WDR4: variants seen among roughly 807,000 people sequenced by gnomAD.
The protein encoded by WDR4 is tRNA (guanine-N(7)-)-methyltransferase non-catalytic subunit WDR4.
In WDR4, 47 loss-of-function variants were observed where a neutral mutation model predicts 48.6. That is an observed-to-expected ratio of 0.97 (90% CI 0.77 to 1.23). The LOEUF (loss-of-function observed/expected upper bound fraction) is 1.23, where lower values mean the gene tolerates loss of function less well. WDR4 is among the 50% of genes most tolerant of loss of function. WDR4 has a pLI of 0.00. For synonymous variants in WDR4, 268 were observed against 230.0 expected, an observed-to-expected ratio of 1.17 and a Z score of -1.49; for missense variants, 606 against 551.6, an observed-to-expected ratio of 1.10 and a Z score of -0.99.
chr21:42,857,856 G>A (rs1362591594), intron 6 of WDR4, among the ~76,000 whole-genome samples: 1 of 152,082 alleles, frequency 6.6e-6, no homozygotes, highest in South Asian at 2.1e-4. Flanking sequence ...CCCAGTGGGC[G>A]GAAGTGGGTG....
rs1490652766 is a variant in WDR4 at position 42,862,180 on chromosome 21, G to A, written c.566+102C>T. 2.6e-5 allele frequency: 28 copies of A among 1,063,682 alleles called. No individual in the cohort carries two copies. The highest frequency in any genetic ancestry group is 5.2e-5 in the East Asian group (2 of 38,464). 65.9% of individuals were successfully genotyped at this position (1,063,682 alleles called of 1,614,324 possible). On this transcript the variant is annotated intron_variant, in intron 5 of 10. Coordinates refer to ENST00000398208, the MANE Select transcript of WDR4 (RefSeq NM_018669.6). The surrounding 1 kb of genome is among the most constrained non-coding windows in gnomAD (Gnocchi z 4.3). ...CCAAGCACGGGGGCTGCTGTCACCC[G>A]CGTGGGGCCTCGCCAGCTACAACGG...
intron 2 of WDR4, among the ~76,000 whole-genome samples, chr21:42,874,934 T>A (rs560878606): frequency 1.3e-5 from 2 of 152,180 alleles, no homozygotes; most frequent in South Asian, 2.1e-4. Flanking sequence ...GTACACTCCC[T>A]CCCCTTCTGA....
chr21:42,862,280 ACTCT>A lies in WDR4; in HGVS notation c.564_566+1del. 1.2e-6 allele frequency: 2 copies of A among 1,603,320 alleles called. No homozygotes were observed. The highest frequency in any genetic ancestry group is 2.2e-5 in the South Asian group (2 of 89,454). Reference sequence around the variant, plus strand: ...GCTGGAGGGGCAGGAAGGGGCACTCACTCTGTGTGCCCCAAGCAGAAGGACTCGA... The same window carrying A: ...GCTGGAGGGGCAGGAAGGGGCACTCAGTGTGCCCCAAGCAGAAGGACTCGA... On this transcript the variant is annotated splice_donor_variant and coding_sequence_variant, in exon 5 of 11. Coordinates refer to ENST00000398208, the MANE Select transcript of WDR4 (RefSeq NM_018669.6). LOFTEE classifies it high-confidence loss of function. The surrounding 1 kb of genome is among the most constrained non-coding windows in gnomAD (Gnocchi z 4.3).
At chr21:42,871,144 A>G (rs2058361679) in intron 3 of WDR4, among the ~76,000 whole-genome samples, 1 of 152,184 alleles carries the variant, frequency 6.6e-6, no homozygotes, top group Admixed American at 6.6e-5. Flanking sequence ...ACATAGGGAG[A>G]AGACGCCATC....
Position 42,871,740 on chromosome 21 carries a change from C to T in WDR4, c.296+1811G>A, listed in dbSNP as rs555125986. On this transcript the variant is annotated intron_variant, in intron 3 of 10. Coordinates refer to ENST00000398208, the MANE Select transcript of WDR4 (RefSeq NM_018669.6). ...GAAGGTGGGTAAGAAGGGAGACTGA[C>T]GCATACTCTTTGGTTTAATTTTGTT... 7.2e-4 allele frequency among the ~76,000 whole-genome samples: 109 copies of T among 152,180 alleles called. 1 individual carries two copies. Among genetic ancestry groups the T allele is most frequent in the Non-Finnish European group, 1.4e-3 (95 of 68,036 alleles).
At chr21:42,847,353 G>A (rs568465775), downstream of WDR4, among the ~76,000 whole-genome samples, 4 of 152,322 alleles carry the variant, frequency 2.6e-5, no homozygotes, top group South Asian at 8.3e-4. Flanking sequence ...AGGTATTTCT[G>A]GGATGACTTC....
At chr21:42,848,481 T>TCACACA (rs2057733860), downstream of WDR4, among the ~76,000 whole-genome samples, 1 of 29,272 alleles carries the variant, frequency 3.4e-5, no homozygotes, top group Non-Finnish European at 6.3e-5. Context: ...GGCGCACACC[T>TCACACA]CACTCACACA....
At chr21:42,851,861 C>G (rs1354082778) in intron 10 of WDR4, among the ~76,000 whole-genome samples, 3 of 152,148 alleles carry the variant, frequency 2.0e-5, no homozygotes, top group Admixed American at 2.0e-4. Flanking sequence ...CCCAGTGAGG[C>G]CCTGCACTTA....
intron 3 of WDR4, among the ~76,000 whole-genome samples, chr21:42,866,232 T>A (rs542526043): frequency 6.8e-4 from 103 of 152,192 alleles, no homozygotes; most frequent in African/African-American, 2.4e-3. Flanking sequence ...ACTGCCCAGG[T>A]GGCAGGCCCT....
At chr21:42,865,185 G>C (rs2058220004) in intron 3 of WDR4, among the ~76,000 whole-genome samples, 1 of 152,190 alleles carries the variant, frequency 6.6e-6, no homozygotes, top group African/African-American at 2.4e-5. Flanking sequence ...AAGGGAGGCA[G>C]AAGGGAAGTA....
At chr21:42,890,332 G>A in the WDR4 span, among the ~76,000 whole-genome samples, 5 of 152,030 alleles carry the variant, frequency 3.3e-5, no homozygotes, top group Admixed American at 1.3e-4. Flanking sequence ...TCAAGAGTTC[G>A]AGACCAGCTT....
chr21:42,849,070 C>G (rs73366794), downstream of WDR4, among the ~76,000 whole-genome samples: 2 of 124,872 alleles, frequency 1.6e-5, no homozygotes, highest in Non-Finnish European at 3.3e-5. Flanking sequence ...ACCACACACA[C>G]AGCGCACGAT....
chr21:42,889,403 G>A, the WDR4 span, among the ~76,000 whole-genome samples: 5 of 152,130 alleles, frequency 3.3e-5, no homozygotes, highest in Non-Finnish European at 7.4e-5. Context: ...ACCCAGGCTG[G>A]CTCTACACAT....
rs188962557 is a variant in WDR4 at position 42,859,860 on chromosome 21, T to G, written c.567-138A>C. 180 of 877,250 alleles carry G rather than the reference T, an allele frequency of 2.1e-4. 1 individual carries two copies. In the East Asian group the frequency reaches 4.6e-3, roughly 22 times the overall value. The allele number at this position is 877,250 out of a possible 1,614,324, so 54.3% of individuals were successfully genotyped here. A position where few individuals can be genotyped will look rare whatever the true frequency, so the allele number is the denominator to read the frequency against. ...CCTGATCCAATAAAAACAGCCAACA[T>G]GGGAAGTAGCTGTTAACCCTAACCT... On this transcript the variant is annotated intron_variant, in intron 5 of 10. Transcript: ENST00000398208.
At chr21:42,859,619 GCT>G in intron 6 of WDR4, 41 bp downstream of exon 6, 1 of 608,974 alleles carries the variant, frequency 1.6e-6, no homozygotes, top group Admixed American at 2.5e-5. Flanking sequence ...CTCCCTGCAG[GCT>G]CAAGAATCCA....
At chr21:42,861,570 A>G (rs2058118081) in intron 5 of WDR4, among the ~76,000 whole-genome samples, 1 of 152,112 alleles carries the variant, frequency 6.6e-6, no homozygotes, top group African/African-American at 2.4e-5. Context: ...AGAGAACTCC[A>G]GAGCTGGATC....
In WDR4 at chr21:42,854,621, A is replaced by C; in HGVS notation, c.732T>G (p.Phe244Leu). The stretch of plus-strand genomic sequence containing the variant: ...ACCAGAATGCAATCCTGGACGCGGC[A>C]AACTTCTAAAAGGAGAAGAAGCCCA... ...ELVDPQAPQKFAASRIAFWCQ... is the reference protein window; with the variant it reads ...ELVDPQAPQKLAASRIAFWCQ... Residue 244 changes from phenylalanine to leucine, a missense_variant, in exon 8 of 11, where the codon TTT becomes TTG. Transcript: ENST00000398208. The C allele has an allele frequency of 1.2e-6, 2 of 1,613,568 alleles. No individual in the cohort carries two copies. The highest frequency in any genetic ancestry group is 1.7e-6 in the Non-Finnish European group (2 of 1,179,846).
In WDR4 at chr21:42,849,345, G is replaced by A. The variant is rs1429181985; in HGVS notation, c.*704C>T. ...CCTGTGGCTCTGCAGTGTGTGCCAAGGTCAAATCAAATCATAACGACGTCC... is the reference window on the plus strand; with the variant it reads ...CCTGTGGCTCTGCAGTGTGTGCCAAAGTCAAATCAAATCATAACGACGTCC... On this transcript the variant is annotated 3_prime_UTR_variant, in exon 11 of 11. Coordinates refer to ENST00000398208, the MANE Select transcript of WDR4 (RefSeq NM_018669.6). 1 of 152,308 alleles carries A rather than the reference G, an allele frequency of 6.6e-6. No individual in the cohort carries two copies. Among genetic ancestry groups the A allele is most frequent in the Non-Finnish European group, 1.5e-5 (1 of 68,096 alleles). The allele number at this position is 152,308 out of a possible 1,614,324, so 9.4% of individuals were successfully genotyped here.
chr21:42,859,556 A>ACCCAGGG, intron 6 of WDR4, 106 bp downstream of exon 6: 2 of 587,156 alleles, frequency 3.4e-6, no homozygotes, highest in Non-Finnish European at 5.2e-6. Flanking sequence ...AGCCACAGCC[A>ACCCAGGG]GCCAGGGGCC....
Sources: allele counts gnomAD v4.1 joint callset (sites outside exome capture counted in the v4.1 genomes callset), GRCh38; gene constraint gnomAD v4.1.1; non-coding constraint Gnocchi (gnomAD v3.1); transcripts MANE v1.5; gene names NCBI Gene and HGNC (gene_info 2026-07-23, HGNC 2026-07-21).